ZNF644: variants seen among roughly 807,000 people sequenced by gnomAD.
ZNF644 encodes zinc finger motif enhancer binding protein 2.
A neutral mutation model predicts 108.0 loss-of-function variants in ZNF644; 20 were observed. The observed-to-expected ratio is 0.19, with a 90% CI of 0.13 to 0.27. The LOEUF (loss-of-function observed/expected upper bound fraction) is 0.27, where lower values mean the gene tolerates loss of function less well. Among genes scored for constraint, ZNF644 ranks in the 10% least tolerant of loss-of-function variants. ZNF644 has a pLI of 1.00. For synonymous variants in ZNF644, 542 were observed against 539.1 expected (o/e 1.01, Z -0.08); for missense variants, 1,338 against 1,548.9 (o/e 0.86, Z 2.29).
At chr1:91,003,188 C>G (rs1392732754) in intron 1 of ZNF644, among the ~76,000 whole-genome samples, 8 of 152,206 alleles carry the variant, frequency 5.3e-5, no homozygotes, top group African/African-American at 1.7e-4. Context: ...TGGGTATATA[C>G]CCAAAGGATT....
At chr1:90,965,012 C>G (rs757610850) in intron 2 of ZNF644, among the ~76,000 whole-genome samples, 18 of 152,038 alleles carry the variant, frequency 1.2e-4, no homozygotes, top group Non-Finnish European at 2.2e-4. Flanking sequence ...AATAAAAGAC[C>G]TGGAACGTTT....
At chr1:90,967,189 C>CA (rs139035832) in intron 2 of ZNF644, among the ~76,000 whole-genome samples, 20,217 of 152,066 alleles carry the variant, frequency 0.13, 1,370 homozygotes, top group South Asian at 0.16. Flanking sequence ...TCAAATTCCC[C>CA]AACATGTTCC....
chr1:90,998,427 G>A (rs1338705905), intron 1 of ZNF644, among the ~76,000 whole-genome samples: 1 of 152,216 alleles, frequency 6.6e-6, no homozygotes, highest in Non-Finnish European at 1.5e-5. Flanking sequence ...TGATACCCAG[G>A]CAAACAGGGT....
At chr1:91,011,112 CT>C (rs1302579794) in intron 1 of ZNF644, among the ~76,000 whole-genome samples, 1 of 152,080 alleles carries the variant, frequency 6.6e-6, no homozygotes, top group African/African-American at 2.4e-5. Flanking sequence ...TAATCATATA[CT>C]TTTTTCAATG....
At chr1:90,953,605 A>G (rs913325943) in intron 2 of ZNF644, among the ~76,000 whole-genome samples, 7 of 152,196 alleles carry the variant, frequency 4.6e-5, no homozygotes, top group African/African-American at 1.4e-4. Context: ...TCTAAAAAGC[A>G]AGGTATATAG....
At chr1:90,971,704 A>C (rs1055406276) in intron 2 of ZNF644, among the ~76,000 whole-genome samples, 1 of 152,132 alleles carries the variant, frequency 6.6e-6, no homozygotes, top group African/African-American at 2.4e-5. Context: ...GGTGTGAGCC[A>C]CCACGCCAGG....
chr1:90,935,508 T>C (rs1416320609), intron 4 of ZNF644: 1 of 985,766 alleles, frequency 1.0e-6, no homozygotes, highest in Non-Finnish European at 1.2e-6. Flanking sequence ...AATGCACACA[T>C]GTTCTAAGCT....
In ZNF644 at chr1:91,003,730, C is replaced by T. The variant is rs182349285; in HGVS notation, c.-18+18260G>A. On this transcript the variant is annotated intron_variant, in intron 1 of 5. Transcript: ENST00000337393. The stretch of plus-strand genomic sequence containing the variant: ...AAAAAAGAAGGAAGTATGGTTCATA[C>T]ACATGGAGAGACAAGCAGTTCACAA... 2.3e-3 allele frequency among the ~76,000 whole-genome samples: 342 copies of T among 151,900 alleles called. 1 individual carries two copies. Among genetic ancestry groups the T allele is most frequent in the African/African-American group, 8.2e-3 (338 of 41,438 alleles).
At chr1:90,992,954 G>A (rs1438002193) in intron 1 of ZNF644, among the ~76,000 whole-genome samples, 1 of 152,140 alleles carries the variant, frequency 6.6e-6, no homozygotes, top group East Asian at 1.9e-4. Context: ...CAAGGCAGGA[G>A]GATTGCATGA....
intron 1 of ZNF644, among the ~76,000 whole-genome samples, chr1:90,991,999 G>T (rs375961090): frequency 6.6e-6 from 1 of 152,072 alleles, no homozygotes. Context: ...TATGCAACAT[G>T]AATGAATCTC....
At chr1:90,943,329 T>C (rs973495348) in intron 2 of ZNF644, among the ~76,000 whole-genome samples, 10 of 152,084 alleles carry the variant, frequency 6.6e-5, no homozygotes, top group Admixed American at 3.3e-4. Flanking sequence ...TAGTCCCAGC[T>C]ACTCGAGAGG....
chr1:90,991,267 G>A (rs1230257081), intron 1 of ZNF644, among the ~76,000 whole-genome samples: 1 of 152,166 alleles, frequency 6.6e-6, no homozygotes, highest in Non-Finnish European at 1.5e-5. Flanking sequence ...AAATTAGTAA[G>A]ACCAACCATA....
rs1433147984 is a variant in ZNF644 at position 90,937,850 on chromosome 1, G to A, written c.3323C>T (p.Ala1108Val). 2.5e-6 allele frequency: 4 copies of A among 1,613,664 alleles called. No individual in the cohort carries two copies. The highest frequency in any genetic ancestry group is 2.5e-6 in the Non-Finnish European group (3 of 1,179,848). Reference sequence around the variant, plus strand: ...GTCATCACTTGATGCAAGTTTTTGAGCTACAAATGGTCTGGGAATAATACG... The same window carrying A: ...GTCATCACTTGATGCAAGTTTTTGAACTACAAATGGTCTGGGAATAATACG... ...SRRIIPRPFVAQKLASSDDFI... is the reference protein window; with the variant it reads ...SRRIIPRPFVVQKLASSDDFI... Residue 1108 changes from alanine (A) to valine (V), a missense_variant, in exon 4 of 6, where the codon GCT becomes GTT. By Grantham distance (64) the Ala-to-Val change is moderately conservative. Around this residue, in one of 6 missense-constraint regions of ZNF644, gnomAD observed 287 missense variants for 310.9 expected, o/e 0.92. Coordinates refer to ENST00000337393, the MANE Select transcript of ZNF644 (RefSeq NM_201269.3).
chr1:90,931,159 T>C (rs1426512410), intron 4 of ZNF644, among the ~76,000 whole-genome samples: 1 of 152,068 alleles, frequency 6.6e-6, no homozygotes, highest in Non-Finnish European at 1.5e-5. Context: ...GTTCTTAATA[T>C]GGCTAGCATA....
At chr1:90,992,377 C>CA (rs1320575560) in intron 1 of ZNF644, among the ~76,000 whole-genome samples, 3 of 146,794 alleles carry the variant, frequency 2.0e-5, no homozygotes, top group East Asian at 2.0e-4. Flanking sequence ...AATGTACACC[C>CA]AAAAAAAATC....
At chr1:91,001,491 C>A (rs1322879098) in intron 1 of ZNF644, among the ~76,000 whole-genome samples, 1 of 152,200 alleles carries the variant, frequency 6.6e-6, no homozygotes, top group African/African-American at 2.4e-5. Flanking sequence ...AACAGCCCTT[C>A]ATGCTAGAAA....
intron 1 of ZNF644, among the ~76,000 whole-genome samples, chr1:91,000,030 T>A (rs1450057412): frequency 1.3e-5 from 2 of 152,124 alleles, no homozygotes; most frequent in African/African-American, 4.8e-5. Flanking sequence ...GCACCCAGAT[T>A]CATAAAGCAA....
In ZNF644 at chr1:90,920,092, A is replaced by T. The variant is rs1570325113; in HGVS notation, c.3689-1938T>A. On this transcript the variant is annotated intron_variant, in intron 4 of 5. Coordinates refer to ENST00000337393, the MANE Select transcript of ZNF644 (RefSeq NM_201269.3). The stretch of plus-strand genomic sequence containing the variant: ...TAAGTGGGTTATGAGTGATTCATAC[A>T]CTAGAAATAGAGTTCAGGGAACTCA... 2.6e-5 allele frequency among the ~76,000 whole-genome samples: 4 copies of T among 152,174 alleles called. 1 individual carries two copies. Among genetic ancestry groups the T allele is most frequent in the Admixed American group, 2.6e-4 (4 of 15,286 alleles).
chr1:90,921,542 T>C (rs1649439517), intron 4 of ZNF644, among the ~76,000 whole-genome samples: 1 of 152,050 alleles, frequency 6.6e-6, no homozygotes, highest in African/African-American at 2.4e-5. Context: ...TTCTCAAGCA[T>C]AAGCTTCTAT....
Sources: allele counts gnomAD v4.1 joint callset (sites outside exome capture counted in the v4.1 genomes callset), GRCh38; gene constraint gnomAD v4.1.1; regional missense constraint gnomAD v4.1.1; transcripts MANE v1.5; gene names NCBI Gene and HGNC (gene_info 2026-07-23, HGNC 2026-07-21).